SHC4: variants seen among roughly 807,000 people sequenced by gnomAD.
The protein encoded by SHC4 is SHC-transforming protein 4.
A neutral mutation model predicts 69.4 loss-of-function variants in SHC4; 41 were observed. The observed-to-expected ratio is 0.59, with a 90% CI of 0.46 to 0.77. The LOEUF (loss-of-function observed/expected upper bound fraction) is 0.77, where lower values mean the gene tolerates loss of function less well. Among genes scored for constraint, SHC4 ranks in the 30% least tolerant of loss-of-function variants. The probability of loss-of-function intolerance (pLI) is 0.00; values close to 1 mark genes in which losing one functional copy is unlikely to be tolerated. For synonymous variants in SHC4, 318 were observed against 299.3 expected (o/e 1.06, Z -0.64); for missense variants, 777 against 783.8 (o/e 0.99, Z 0.10).
chr15:48,931,143 C>A (rs1257865700), intron 1 of SHC4, among the ~76,000 whole-genome samples: 2 of 152,166 alleles, frequency 1.3e-5, no homozygotes, highest in Non-Finnish European at 2.9e-5. Context: ...TTCTCAGTCT[C>A]CTTTGCTAGT....
At chr15:48,895,468 A>G (rs1314822462) in intron 2 of SHC4, among the ~76,000 whole-genome samples, 1 of 152,090 alleles carries the variant, frequency 6.6e-6, no homozygotes, top group African/African-American at 2.4e-5. Flanking sequence ...GCCAATCGTT[A>G]ATACCCGCGT....
At chr15:48,957,908 G>A (rs1179724611) in intron 1 of SHC4, among the ~76,000 whole-genome samples, 1 of 152,244 alleles carries the variant, frequency 6.6e-6, no homozygotes, top group African/African-American at 2.4e-5. Flanking sequence ...GCAGAGATTG[G>A]AGTGATGCAT....
chr15:48,840,249 C>CG (rs2140971205), intron 10 of SHC4, among the ~76,000 whole-genome samples: 2 of 152,180 alleles, frequency 1.3e-5, no homozygotes, highest in East Asian at 3.9e-4. Flanking sequence ...GGCGGGGTGG[C>CG]GGGGGCAGTA....
intron 2 of SHC4, among the ~76,000 whole-genome samples, chr15:48,906,662 T>C (rs756889229): frequency 6.6e-6 from 1 of 152,170 alleles, no homozygotes; most frequent in Non-Finnish European, 1.5e-5. Context: ...GAGATGGGGG[T>C]GTCCCTGCAC....
intron 1 of SHC4, among the ~76,000 whole-genome samples, chr15:48,927,101 A>G (rs932478441): frequency 2.0e-5 from 3 of 152,218 alleles, no homozygotes; most frequent in African/African-American, 7.2e-5. Context: ...AGAAAGCTAG[A>G]TATAGGAAGT....
chr15:48,846,725 C>T (rs770448970), intron 9 of SHC4, among the ~76,000 whole-genome samples: 1 of 152,070 alleles, frequency 6.6e-6, no homozygotes, highest in Non-Finnish European at 1.5e-5. Context: ...AGCAGGTGCT[C>T]AAAAGAAAAA....
intron 1 of SHC4, among the ~76,000 whole-genome samples, chr15:48,955,917 T>C (rs1006500934): frequency 6.6e-6 from 1 of 152,172 alleles, no homozygotes; most frequent in African/African-American, 2.4e-5. Context: ...TCACTTCACA[T>C]GTCTGAGCCT....
chr15:48,872,204 T>C (rs1899690634), intron 4 of SHC4, 62 bp from the exon 5 acceptor site: 1 of 1,010,170 alleles, frequency 9.9e-7, no homozygotes, highest in Admixed American at 2.6e-5. Context: ...ATATACAGTC[T>C]AACAGTAATA....
chr15:48,891,767 CAAT>C (rs1230824228), intron 2 of SHC4, among the ~76,000 whole-genome samples: 1 of 152,140 alleles, frequency 6.6e-6, no homozygotes, highest in Non-Finnish European at 1.5e-5. Context: ...TTATATTTCA[CAAT>C]AATATTTTCT....
intron 1 of SHC4, among the ~76,000 whole-genome samples, chr15:48,928,101 G>T (rs940753025): frequency 2.0e-5 from 3 of 152,190 alleles, no homozygotes; most frequent in African/African-American, 4.8e-5. Context: ...GGAGGTGAAG[G>T]CTTGGCTGGT....
chr15:48,946,998 T>G (rs1363119069), intron 1 of SHC4, among the ~76,000 whole-genome samples: 1 of 152,208 alleles, frequency 6.6e-6, no homozygotes, highest in Non-Finnish European at 1.5e-5. Context: ...TGAGCTCCTA[T>G]GAGCTATATA....
chr15:48,860,773 G>A (rs1029138194), intron 6 of SHC4, among the ~76,000 whole-genome samples: 1 of 152,216 alleles, frequency 6.6e-6, no homozygotes, highest in Non-Finnish European at 1.5e-5. Flanking sequence ...CTGAGTTCAA[G>A]TTCCAATTAT....
intron 2 of SHC4, among the ~76,000 whole-genome samples, chr15:48,924,624 A>G (rs753663495): frequency 6.6e-6 from 1 of 152,174 alleles, no homozygotes; most frequent in Non-Finnish European, 1.5e-5. Flanking sequence ...TACCTGGGAA[A>G]CCAGCTATTT....
At chr15:48,877,479 G>GTTT in intron 4 of SHC4, 2 of 984,108 alleles carry the variant, frequency 2.0e-6, no homozygotes, top group Non-Finnish European at 2.4e-6. Flanking sequence ...GGTAAAACAT[G>GTTT]TTTTTAAAAA....
chr15:48,894,656 T>C (rs536042891), intron 2 of SHC4, among the ~76,000 whole-genome samples: 2 of 152,202 alleles, frequency 1.3e-5, no homozygotes, highest in African/African-American at 4.8e-5. Context: ...CCTGTTTCTA[T>C]TCCCAAAAGT....
chr15:48,878,452 C>G lies in SHC4; in HGVS notation c.840+5796G>C, dbSNP rs1452587235. 4.1e-5 allele frequency: 66 copies of G among 1,613,278 alleles called. No homozygotes were observed. Among genetic ancestry groups the G allele is most frequent in the Non-Finnish European group, 5.5e-5 (65 of 1,179,610 alleles). On this transcript the variant is annotated intron_variant, in intron 4 of 11. Transcript: ENST00000332408. ...AGCCAGGCCAGGTGGCGGGCGCAGACTTCGAGAGCGAGGACGAGGGCGAGG... is the reference window on the plus strand; with the variant it reads ...AGCCAGGCCAGGTGGCGGGCGCAGAGTTCGAGAGCGAGGACGAGGGCGAGG...
At chr15:48,835,542 C>T (rs1160972237) in intron 10 of SHC4, among the ~76,000 whole-genome samples, 2 of 152,146 alleles carry the variant, frequency 1.3e-5, no homozygotes, top group African/African-American at 4.8e-5. Flanking sequence ...AACTTCAAAA[C>T]TTTGCTAAAC....
intron 2 of SHC4, among the ~76,000 whole-genome samples, chr15:48,899,695 C>G (rs1900287720): frequency 6.6e-6 from 1 of 151,906 alleles, no homozygotes; most frequent in Admixed American, 6.6e-5. Flanking sequence ...AAGGAACGAA[C>G]AACTGGCCTA....
chr15:48,955,484 T>G (rs72741925), intron 1 of SHC4, among the ~76,000 whole-genome samples: 34,148 of 151,982 alleles, frequency 0.22, 5,120 homozygotes, highest in Middle Eastern at 0.45. Flanking sequence ...GGAAACCATA[T>G]TGGGGAAATG....
Sources: gnomAD v4.1 joint callset for allele counts (sites outside exome capture counted in the v4.1 genomes callset) on GRCh38, gnomAD v4.1.1 for gene constraint, MANE v1.5 for transcripts, NCBI Gene and HGNC (gene_info 2026-07-23, HGNC 2026-07-21) for gene names.